CEP120: variants seen among roughly 807,000 people sequenced by gnomAD.
The protein encoded by CEP120 is centrosomal protein of 120 kDa.
CEP120 carries 113 observed loss-of-function variants against 126.5 expected under a neutral mutation model. The observed-to-expected ratio is 0.89, with a 90% CI of 0.77 to 1.04. The LOEUF is 1.04. CEP120 is among the 50% of genes least tolerant of loss of function. The pLI is 0.00. For missense variants in CEP120, 1,230 were observed against 1,155.7 expected (o/e 1.06, Z -0.93); for synonymous variants, 400 against 394.3 (o/e 1.01, Z -0.17).
In CEP120 at chr5:123,388,614, G is replaced by A; in HGVS notation, c.1256-8C>T. The stretch of plus-strand genomic sequence containing the variant: ...CAGGTACAGAAGAACTGGCTGAAAT[G>A]AACATAAAATAAAACAAAATAATCA... On this transcript the variant is annotated splice_polypyrimidine_tract_variant and splice_region_variant and intron_variant, in intron 8 of 19. Transcript: ENST00000306467. 6.4e-7 allele frequency: 1 copy of A among 1,554,128 alleles called. No homozygotes were observed. Among genetic ancestry groups the A allele is most frequent in the Non-Finnish European group, 8.7e-7 (1 of 1,154,326 alleles).
rs75449813 is a variant in CEP120 at position 123,394,959 on chromosome 5, C to T, written c.613-1462G>A. Among the ~76,000 whole-genome samples the T allele has an allele frequency of 3.3e-5, 5 of 152,162 alleles. No homozygotes were observed. In the South Asian group the frequency reaches 8.3e-4, roughly 25 times the overall value. ...GGAAGGATTAAAAGAGATACATAGT[C>T]GCTGCTACAACAATGCCTAGCACAC... On this transcript the variant is annotated intron_variant, in intron 5 of 19. Transcript: ENST00000306467.
chr5:123,422,814 A>T (rs1188255474), intron 1 of CEP120, 136 bp downstream of exon 1: 5 of 853,204 alleles, frequency 5.9e-6, no homozygotes, highest in Non-Finnish European at 9.7e-6. Context: ...CTCACTACGT[A>T]CAACTTTGAA....
chr5:123,421,100 G>A (rs1774684686), intron 1 of CEP120, among the ~76,000 whole-genome samples: 1 of 152,162 alleles, frequency 6.6e-6, no homozygotes, highest in African/African-American at 2.4e-5. Flanking sequence ...CTCAAGAAAA[G>A]CATTCTATTT....
chr5:123,408,054 G>T (rs989752284), intron 4 of CEP120, among the ~76,000 whole-genome samples: 1 of 152,120 alleles, frequency 6.6e-6, no homozygotes, highest in Non-Finnish European at 1.5e-5. Flanking sequence ...ATTTGTCTGA[G>T]AGTTTTTATT....
At chr5:123,421,053 C>G (rs1304872008) in intron 1 of CEP120, among the ~76,000 whole-genome samples, 2 of 152,160 alleles carry the variant, frequency 1.3e-5, no homozygotes, top group African/African-American at 2.4e-5. Flanking sequence ...ATCCTTGACT[C>G]CAGGTTCTCT....
intron 18 of CEP120, among the ~76,000 whole-genome samples, chr5:123,353,236 G>C (rs1288690207): frequency 1.3e-5 from 2 of 151,638 alleles, no homozygotes; most frequent in African/African-American, 4.8e-5. Context: ...TTTTTTGTAG[G>C]CTTTATGTAA....
chr5:123,364,462 A>T, intron 18 of CEP120, 34 bp downstream of exon 18: 3 of 1,410,346 alleles, frequency 2.1e-6, no homozygotes, highest in Non-Finnish European at 2.9e-6. Flanking sequence ...ACAAGGGAAA[A>T]AGATATAAAA....
rs1770318848 is a variant in CEP120, at chr5:123,364,521, A to G, written c.2555T>C (p.Leu852Ser). 1 of 1,606,076 alleles carries G rather than the reference A, an allele frequency of 6.2e-7. No individual in the cohort carries two copies. The highest frequency in any genetic ancestry group is 1.3e-5 in the African/African-American group (1 of 74,530). Residue 852 changes from leucine (L) to serine (S), a missense_variant, in exon 18 of 20, where the codon TTG becomes TCG. Leu to Ser is a moderately radical substitution (Grantham distance 145). Transcript: ENST00000306467. ...CTGTTTAAGTCTGGCAAGTTCTTTC[A>G]AAGCTCGTCCCCACTGCTGCTTGTA... Reference protein sequence around the residue: ...LHYKQQWGRALKELARLKQRE... With the variant: ...LHYKQQWGRASKELARLKQRE...
rs568903626 is a variant in CEP120, at chr5:123,355,608, C to T, written c.2581-5519G>A. Among the ~76,000 whole-genome samples the T allele has an allele frequency of 1.4e-4, 21 of 152,148 alleles. No homozygotes were observed. The East Asian group carries it at 4.1e-3, about 29-fold the overall frequency. On this transcript the variant is annotated intron_variant, in intron 18 of 19. Transcript: ENST00000306467. ...TCTTTTGGGAAGTGTCTGTTCATATCCTTCGCCCACTTTTTGATGGGGTTG... is the reference window on the plus strand; with the variant it reads ...TCTTTTGGGAAGTGTCTGTTCATATTCTTCGCCCACTTTTTGATGGGGTTG...
chr5:123,410,009 C>CACACAT (rs1562089072), intron 4 of CEP120, among the ~76,000 whole-genome samples: 1 of 146,492 alleles, frequency 6.8e-6, no homozygotes, highest in African/African-American at 2.5e-5. Context: ...CACACACACA[C>CACACAT]ACACACAAGT....
chr5:123,419,553 C>A (rs199987018), intron 1 of CEP120, among the ~76,000 whole-genome samples: 92 of 135,232 alleles, frequency 6.8e-4, no homozygotes, highest in African/African-American at 7.7e-4. Flanking sequence ...AAAACAAAAA[C>A]AAAAAAAAAA....
At chr5:123,418,576 C>T (rs1774516238) in intron 1 of CEP120, 61 bp from the exon 2 acceptor site, 1 of 1,380,280 alleles carries the variant, frequency 7.2e-7, no homozygotes, top group Non-Finnish European at 9.7e-7. Context: ...GGATCATTTA[C>T]CATGTGTTTT....
At chr5:123,347,451 G>A (rs1475618098) in intron 19 of CEP120, among the ~76,000 whole-genome samples, 1 of 152,138 alleles carries the variant, frequency 6.6e-6, no homozygotes. Context: ...TGTAGAAAGT[G>A]AAATTCTTTA....
chr5:123,407,941 T>C (rs1773803360), intron 4 of CEP120, among the ~76,000 whole-genome samples: 1 of 152,150 alleles, frequency 6.6e-6, no homozygotes. Context: ...AACAATATAC[T>C]TCTAAATAAC....
Position 123,345,573 on chromosome 5 carries a change from A to C in CEP120, c.*946T>G, listed in dbSNP as rs541407180. The C allele has an allele frequency of 6.6e-6, 1 of 152,294 alleles. No individual in the cohort carries two copies. The highest frequency in any genetic ancestry group is 3.4e-3 in the Middle Eastern group (1 of 294). The allele number at this position is 152,294 out of a possible 1,614,324, so 9.4% of individuals were successfully genotyped here. ...ACAAATGTTGGCTCTGAAGAATATG[A>C]TATAAAGGAACTCTTAAGAGTTTTT... is the stretch of plus-strand genomic sequence containing the variant. On this transcript the variant is annotated 3_prime_UTR_variant, in exon 20 of 20. Coordinates refer to ENST00000306467, the MANE Select transcript of CEP120 (RefSeq NM_001375405.1).
At chr5:123,404,299 C>T (rs6880221) in intron 4 of CEP120, among the ~76,000 whole-genome samples, 5 of 152,166 alleles carry the variant, frequency 3.3e-5, no homozygotes, top group South Asian at 4.1e-4. Context: ...GACTTCACTA[C>T]GTACAATGTA....
chr5:123,348,708 C>CAA (rs1768997832), intron 19 of CEP120, among the ~76,000 whole-genome samples: 1 of 152,078 alleles, frequency 6.6e-6, no homozygotes, highest in African/African-American at 2.4e-5. Flanking sequence ...GTGTCCCTGT[C>CAA]AAATTCAGAT....
chr5:123,351,497 A>G (rs1769196415), intron 18 of CEP120, among the ~76,000 whole-genome samples: 1 of 152,186 alleles, frequency 6.6e-6, no homozygotes, highest in South Asian at 2.1e-4. Context: ...ACACATTTGT[A>G]TGCATTCCTA....
chr5:123,386,599 T>C lies in CEP120; in HGVS notation c.1499A>G (p.Asn500Ser). The C allele has an allele frequency of 6.3e-7, 1 of 1,596,992 alleles. No individual in the cohort carries two copies. The highest frequency in any genetic ancestry group is 8.5e-7 in the Non-Finnish European group (1 of 1,171,784). Residue 500 changes from asparagine (N) to serine (S), a missense_variant, in exon 10 of 20, where the codon AAC (asparagine) becomes AGC (serine). Physicochemically the swap from Asn to Ser is conservative, Grantham distance 46. Coordinates refer to ENST00000306467, the MANE Select transcript of CEP120 (RefSeq NM_001375405.1). ...MTNPPVEVRK[N>S]MEVFLPQSYC... ...AGACTGGGGAAGAAAAACTTCCATG[T>C]TTTTCCGAACTTCTACAGGAGGATT...
Sources: allele counts gnomAD v4.1 joint callset (sites outside exome capture counted in the v4.1 genomes callset), GRCh38; gene constraint gnomAD v4.1.1; transcripts MANE v1.5; gene names NCBI Gene and HGNC (gene_info 2026-07-23, HGNC 2026-07-21).